The following PCDH15 variants were observed in gnomAD, a reference collection of about 807,000 sequenced individuals.
PCDH15 encodes protocadherin related 15.
Under a neutral mutation model 178.5 loss-of-function variants are expected in PCDH15, and 129 were observed. The ratio of observed to expected loss-of-function variants is 0.72; its 90% CI spans 0.63 to 0.84. The LOEUF is 0.84. Ranked by LOEUF, PCDH15 falls within the 40% of genes least tolerant of loss-of-function variation. PCDH15 has a pLI of 0.00. For synonymous variants in PCDH15, 800 were observed against 732.0 expected (o/e 1.09, Z -1.50); for missense variants, 2,230 against 2,099.9 (o/e 1.06, Z -1.21).
At chr10:55,083,318 T>A (rs952492957) in intron 2 of PCDH15, among the ~76,000 whole-genome samples, 1 of 152,062 alleles carries the variant, frequency 6.6e-6, no homozygotes, top group South Asian at 2.1e-4. Context: ...ATCATTTCAA[T>A]TGATGCTGAA....
intron 2 of PCDH15, among the ~76,000 whole-genome samples, chr10:54,624,716 C>T (rs2093490706): frequency 1.3e-5 from 2 of 152,126 alleles, no homozygotes; most frequent in Non-Finnish European, 2.9e-5. Flanking sequence ...GGCATTATTG[C>T]CTGAGCTCTA....
intron 8 of PCDH15, among the ~76,000 whole-genome samples, chr10:54,314,256 G>C (rs1314827323): frequency 6.6e-6 from 1 of 151,774 alleles, no homozygotes; most frequent in Non-Finnish European, 1.5e-5. Flanking sequence ...TTTTTTCACT[G>C]TTGTCTTTCC....
chr10:55,297,180 A>G (rs1277944249), intron 1 of PCDH15, among the ~76,000 whole-genome samples: 3 of 152,074 alleles, frequency 2.0e-5, no homozygotes, highest in Non-Finnish European at 2.9e-5. Flanking sequence ...TTAGAAAAAA[A>G]ATACCCTAAA....
chr10:54,637,459 C>T (rs187383396), intron 2 of PCDH15, among the ~76,000 whole-genome samples: 41 of 152,126 alleles, frequency 2.7e-4, no homozygotes, highest in Admixed American at 2.2e-3. Context: ...CTTCTGGAGA[C>T]AGCCCTGTTC....
Position 54,659,034 on chromosome 10 carries a change from A to C in PCDH15, c.91+5138T>G, listed in dbSNP as rs577280332. On this transcript the variant is annotated intron_variant, in intron 2 of 37. Transcript: ENST00000644397. ...ATATTAAATCAAGAAAGGTAAAAAA[A>C]AAGACAAAGAAAGATACAATTCAAC... Among the ~76,000 whole-genome samples the C allele has an allele frequency of 1.2e-4, 19 of 152,314 alleles. No individual in the cohort carries two copies. In the East Asian group the frequency reaches 3.1e-3, roughly 25 times the overall value.
At chr10:53,911,134 C>T (rs2083058187) in intron 25 of PCDH15, among the ~76,000 whole-genome samples, 1 of 152,106 alleles carries the variant, frequency 6.6e-6, no homozygotes, top group African/African-American at 2.4e-5. Flanking sequence ...GCAAGGCAGG[C>T]CAACATACAA....
chr10:55,170,546 G>A (rs530657032), intron 1 of PCDH15, among the ~76,000 whole-genome samples: 26 of 152,240 alleles, frequency 1.7e-4, no homozygotes, highest in African/African-American at 5.8e-4. Context: ...TTTTTAAAAT[G>A]TGATTCCTAG....
intron 3 of PCDH15, among the ~76,000 whole-genome samples, chr10:54,413,545 G>A (rs146185368): frequency 1.2e-4 from 18 of 152,156 alleles, no homozygotes; most frequent in African/African-American, 4.3e-4. Context: ...TAAAAAGTAA[G>A]AGATCTATTG....
intron 3 of PCDH15, among the ~76,000 whole-genome samples, chr10:54,806,519 T>TGTCA (rs1416611289): frequency 6.6e-6 from 1 of 151,752 alleles, no homozygotes; most frequent in African/African-American, 2.4e-5. Context: ...AGTCTTGCTC[T>TGTCA]GTCACCCAGG....
chr10:54,876,268 C>T (rs1278768773), intron 3 of PCDH15, among the ~76,000 whole-genome samples: 1 of 152,076 alleles, frequency 6.6e-6, no homozygotes, highest in Admixed American at 6.6e-5. Context: ...AATATTCCTG[C>T]TTACTCACAA....
intron 3 of PCDH15, among the ~76,000 whole-genome samples, chr10:54,434,883 G>A (rs2075279727): frequency 6.6e-6 from 1 of 152,066 alleles, no homozygotes; most frequent in African/African-American, 2.4e-5. Flanking sequence ...GCAATCAATT[G>A]GTATGACTTG....
At position 54,853,987 on chromosome 10, in the gene PCDH15, C is replaced by T. The variant is rs556500500; in HGVS notation, c.-29+43463G>A. ...ACTTGGCCTGGCAGGCTGTGCTAGG[C>T]TTATGCTACCAGCCTGGGTCCCATG... On this transcript the variant is annotated intron_variant, in intron 3 of 5. Transcript: ENST00000458638. Among the ~76,000 whole-genome samples, 5 of 152,182 alleles carry T rather than the reference C, an allele frequency of 3.3e-5. No homozygotes were observed. The South Asian group carries it at 8.3e-4, about 25-fold the overall frequency.
chr10:54,872,098 T>A (rs72798525), intron 3 of PCDH15, among the ~76,000 whole-genome samples: 33,367 of 151,954 alleles, frequency 0.22, 4,456 homozygotes, highest in Non-Finnish European at 0.3. Flanking sequence ...TGTCTTTAAG[T>A]CCTTTATCTA....
chr10:54,009,858 C>T (rs2135140036), intron 20 of PCDH15, among the ~76,000 whole-genome samples: 1 of 152,258 alleles, frequency 6.6e-6, no homozygotes, highest in South Asian at 2.1e-4. Context: ...CATGTGGAGT[C>T]TTGGCAGAGC....
At chr10:54,267,446 A>C (rs1039814470) in intron 8 of PCDH15, among the ~76,000 whole-genome samples, 2 of 151,932 alleles carry the variant, frequency 1.3e-5, no homozygotes, top group Admixed American at 1.3e-4. Context: ...ACAGCAAGAA[A>C]TAATAGACAT....
chr10:54,285,579 C>A (rs537245804), intron 8 of PCDH15, among the ~76,000 whole-genome samples: 7 of 151,830 alleles, frequency 4.6e-5, no homozygotes, highest in Admixed American at 2.6e-4. Flanking sequence ...CAAATAATGG[C>A]GGGGATGTAG....
intron 2 of PCDH15, among the ~76,000 whole-genome samples, chr10:55,407,580 T>C (rs1036020343): frequency 1.3e-5 from 2 of 152,096 alleles, no homozygotes; most frequent in Non-Finnish European, 2.9e-5. Flanking sequence ...TAGGGGAGAT[T>C]TTCTCCAGCA....
chr10:53,941,322 A>C (rs1002508426), intron 23 of PCDH15, among the ~76,000 whole-genome samples: 13 of 152,046 alleles, frequency 8.6e-5, no homozygotes, highest in African/African-American at 3.1e-4. Context: ...TGCCCTGTAT[A>C]TTCATCCCTC....
chr10:55,283,610 T>C (rs1842790358), intron 1 of PCDH15, among the ~76,000 whole-genome samples: 1 of 151,524 alleles, frequency 6.6e-6, no homozygotes, highest in South Asian at 2.1e-4. Context: ...TCCTCCATTC[T>C]TGCCCACCTG....
Sources: gnomAD v4.1 joint callset for allele counts (sites outside exome capture counted in the v4.1 genomes callset) on GRCh38, gnomAD v4.1.1 for gene constraint, MANE v1.5 for transcripts, NCBI Gene and HGNC (gene_info 2026-07-23, HGNC 2026-07-21) for gene names.